The following ANO4 variants were observed in gnomAD, a reference collection of about 807,000 sequenced individuals.
ANO4 encodes anoctamin-4.
In ANO4, 69 loss-of-function variants were observed where a neutral mutation model predicts 141.9. The observed-to-expected ratio is 0.49, with a 90% CI of 0.40 to 0.59. The LOEUF is 0.59. Among genes scored for constraint, ANO4 ranks in the 20% least tolerant of loss-of-function variants. The probability of loss-of-function intolerance (pLI) is 0.00; values close to 1 mark genes in which losing one functional copy is unlikely to be tolerated. For synonymous variants in ANO4, 350 were observed against 394.3 expected (o/e 0.89, Z 1.33); for missense variants, 894 against 1,162.2 (o/e 0.77, Z 3.36).
chr12:101,115,468 GAAGT>G (rs1240405424), intron 24 of ANO4, among the ~76,000 whole-genome samples: 1 of 151,884 alleles, frequency 6.6e-6, no homozygotes, highest in Non-Finnish European at 1.5e-5. Flanking sequence ...AAAAAAAGAA[GAAGT>G]AAGAAGTTAT....
intron 3 of ANO4, among the ~76,000 whole-genome samples, chr12:100,754,824 C>G (rs1285700327): frequency 6.6e-6 from 1 of 152,022 alleles, no homozygotes; most frequent in African/African-American, 2.4e-5. Flanking sequence ...CACAAAATAC[C>G]ACATCTTGTA....
At chr12:101,040,824 A>G (rs902337947) in intron 11 of ANO4, among the ~76,000 whole-genome samples, 7 of 150,382 alleles carry the variant, frequency 4.7e-5, no homozygotes, top group East Asian at 2.0e-4. Context: ...TCATTGTTCA[A>G]CTCCCACTTA....
chr12:100,992,585 G>T (rs61944889), intron 8 of ANO4, among the ~76,000 whole-genome samples: 18,791 of 152,062 alleles, frequency 0.12, 1,330 homozygotes, highest in Non-Finnish European at 0.15. Context: ...GTTCTATACT[G>T]TTGTAGTTAA....
intron 1 of ANO4, among the ~76,000 whole-genome samples, chr12:100,831,904 C>G (rs567100784): frequency 1.3e-5 from 2 of 152,162 alleles, no homozygotes; most frequent in South Asian, 2.1e-4. Flanking sequence ...TTTCCTGAAG[C>G]ATGCCACTTG....
At chr12:100,771,561 C>T (rs1463202380) in intron 3 of ANO4, among the ~76,000 whole-genome samples, 1 of 152,152 alleles carries the variant, frequency 6.6e-6, no homozygotes, top group Admixed American at 6.5e-5. Flanking sequence ...TGAGGGCTAT[C>T]TCACTGCTGA....
intron 1 of ANO4, among the ~76,000 whole-genome samples, chr12:100,835,614 AG>A (rs2135788953): frequency 6.6e-6 from 1 of 152,230 alleles, no homozygotes; most frequent in South Asian, 2.1e-4. Context: ...ACTGCAATTT[AG>A]GGGTTTGATT....
At chr12:100,753,320 C>T (rs1019766672) in intron 3 of ANO4, among the ~76,000 whole-genome samples, 1 of 152,210 alleles carries the variant, frequency 6.6e-6, no homozygotes, top group African/African-American at 2.4e-5. Context: ...AAGACACAAT[C>T]TATCACAGCC....
chr12:101,086,770 A>C lies in ANO4; in HGVS notation c.1647A>C (p.Ala549=), dbSNP rs763205941. Residue 549 remains alanine (A), a synonymous_variant, in exon 17 of 28, where the codon GCA becomes GCC. Transcript: ENST00000392977. The stretch of plus-strand genomic sequence containing the variant: ...TAATCAGGAATAACTCTCAGGTTGC[A>C]ACCACAGGGACTGCTGTGTGCATCA... ...WALIRNNSQV[A]TTGTAVCINF... The C allele has an allele frequency of 6.2e-7, 1 of 1,613,892 alleles. No homozygotes were observed. Among genetic ancestry groups the C allele is most frequent in the East Asian group, 2.2e-5 (1 of 44,876 alleles).
intron 17 of ANO4, among the ~76,000 whole-genome samples, chr12:101,090,975 T>G (rs1349530503): frequency 6.6e-6 from 1 of 152,306 alleles, no homozygotes; most frequent in East Asian, 1.9e-4. Flanking sequence ...TTGCTGATGT[T>G]ACAAAGCACC....
chr12:101,106,792 G>A (rs1266884620), intron 22 of ANO4, among the ~76,000 whole-genome samples: 1 of 151,450 alleles, frequency 6.6e-6, no homozygotes, highest in Non-Finnish European at 1.5e-5. Flanking sequence ...GTATATGGAA[G>A]TTTGTTATAT....
chr12:101,086,863 G>C (rs750331851), intron 17 of ANO4, 39 bp downstream of exon 17: 14 of 1,600,528 alleles, frequency 8.7e-6, no homozygotes, highest in Non-Finnish European at 4.3e-6. Context: ...GGATCAAAAT[G>C]TGTGGGCTGC....
At chr12:100,922,454 A>G in intron 3 of ANO4, 124 bp downstream of exon 3, 4 of 642,168 alleles carry the variant, frequency 6.2e-6, no homozygotes, top group Non-Finnish European at 1.0e-5. Flanking sequence ...TGATGTCTTG[A>G]AAGAGATACT....
intron 14 of ANO4, among the ~76,000 whole-genome samples, chr12:101,076,023 G>A (rs1421249534): frequency 6.6e-6 from 1 of 152,216 alleles, no homozygotes; most frequent in African/African-American, 2.4e-5. Context: ...ACCGACAAGG[G>A]AATGGCAGTT....
chr12:100,759,858 A>G (rs930066211), intron 3 of ANO4, among the ~76,000 whole-genome samples: 3 of 152,108 alleles, frequency 2.0e-5, no homozygotes, highest in African/African-American at 4.8e-5. Context: ...CCCCCCATAT[A>G]AAGACTTTAT....
chr12:100,936,791 T>G (rs1037581737), intron 3 of ANO4, among the ~76,000 whole-genome samples: 10 of 152,190 alleles, frequency 6.6e-5, no homozygotes, highest in Non-Finnish European at 1.2e-4. Flanking sequence ...GCATTTGTTG[T>G]GGGTCTGCCA....
At chr12:101,089,980 A>G (rs2049687132) in intron 17 of ANO4, among the ~76,000 whole-genome samples, 1 of 152,270 alleles carries the variant, frequency 6.6e-6, no homozygotes, top group Non-Finnish European at 1.5e-5. Context: ...TTATGCAGCC[A>G]ACAGACACAT....
chr12:101,109,770 A>G lies in ANO4; in HGVS notation c.2150-634A>G, dbSNP rs144505398. On this transcript the variant is annotated intron_variant, in intron 22 of 27. Coordinates refer to ENST00000392977, the MANE Select transcript of ANO4 (RefSeq NM_001286615.2). Reference sequence around the variant, plus strand: ...AAATTATTACTGTGATGTTTGACTAATGGTGATTTTTTAATTTTCATAGTT... The same window carrying G: ...AAATTATTACTGTGATGTTTGACTAGTGGTGATTTTTTAATTTTCATAGTT... Among the ~76,000 whole-genome samples, 62 of 152,194 alleles carry G rather than the reference A, an allele frequency of 4.1e-4. 1 individual carries two copies. Among genetic ancestry groups the G allele is most frequent in the African/African-American group, 1.4e-3 (59 of 41,506 alleles).
chr12:101,039,754 G>T (rs553405178), intron 10 of ANO4, among the ~76,000 whole-genome samples: 3 of 152,090 alleles, frequency 2.0e-5, no homozygotes, highest in African/African-American at 7.2e-5. Context: ...TAGCAAGCAC[G>T]TGCATTTTAC....
chr12:101,006,256 G>A (rs1196083737), intron 8 of ANO4, among the ~76,000 whole-genome samples: 2 of 152,022 alleles, frequency 1.3e-5, no homozygotes, highest in Admixed American at 1.3e-4. Context: ...TATTATAAAG[G>A]TACCTTAAAT....
Sources: gnomAD v4.1 joint callset for allele counts (sites outside exome capture counted in the v4.1 genomes callset) on GRCh38, gnomAD v4.1.1 for gene constraint, MANE v1.5 for transcripts, NCBI Gene and HGNC (gene_info 2026-07-23, HGNC 2026-07-21) for gene names.